MCF2L2: variants seen among roughly 807,000 people sequenced by gnomAD.
The protein encoded by MCF2L2 is MCF.2 cell line derived transforming sequence-like 2, also known as probable guanine nucleotide exchange factor MCF2L2.
In MCF2L2, 102 loss-of-function variants were observed where a neutral mutation model predicts 150.2. The observed-to-expected ratio is 0.68, with a 90% CI of 0.58 to 0.80. The LOEUF is 0.80. Among genes scored for constraint, MCF2L2 ranks in the 30% least tolerant of loss-of-function variants. The probability of loss-of-function intolerance (pLI) is 0.00; values close to 1 mark genes in which losing one functional copy is unlikely to be tolerated. For missense variants in MCF2L2, 1,256 were observed against 1,372.8 expected, an observed-to-expected ratio of 0.91 and a Z score of 1.34; for synonymous variants, 465 against 491.3, an observed-to-expected ratio of 0.95 and a Z score of 0.71.
At chr3:183,357,606 A>G (rs759582578) in intron 3 of MCF2L2, among the ~76,000 whole-genome samples, 2 of 152,112 alleles carry the variant, frequency 1.3e-5, no homozygotes, top group Non-Finnish European at 2.9e-5. Context: ...CATTTATTCC[A>G]TGTCCTCAAG....
rs1213315817 is a variant in MCF2L2 at position 183,235,160 on chromosome 3, G to A, written c.1863-4143C>T. ...GTGAATAGTGCCACAATAAACATACGTGTGCATGTGTCTTTATAGCAGCAT... is the reference window on the plus strand; with the variant it reads ...GTGAATAGTGCCACAATAAACATACATGTGCATGTGTCTTTATAGCAGCAT... On this transcript the variant is annotated intron_variant, in intron 15 of 29. Coordinates refer to ENST00000328913, the MANE Select transcript of MCF2L2 (RefSeq NM_015078.4). Among the ~76,000 whole-genome samples, 169 of 83,962 alleles carry A rather than the reference G, an allele frequency of 2.0e-3. 8 individuals are homozygous for A. The highest frequency in any genetic ancestry group is 1.1e-3 in the Non-Finnish European group (46 of 43,550). The allele number at this position is 83,962 out of a possible 152,430, so 55.1% of individuals were successfully genotyped here.
intron 1 of MCF2L2, among the ~76,000 whole-genome samples, chr3:183,393,421 G>A (rs1445047861): frequency 2.0e-5 from 3 of 152,010 alleles, no homozygotes; most frequent in African/African-American, 7.3e-5. Context: ...TCCAACTTCC[G>A]ACCTCAGGTG....
intron 1 of MCF2L2, among the ~76,000 whole-genome samples, chr3:183,396,489 C>T (rs886308916): frequency 6.6e-6 from 1 of 152,142 alleles, no homozygotes; most frequent in Non-Finnish European, 1.5e-5. Context: ...AAAGTTTGAA[C>T]TTGTTAAACA....
chr3:183,289,268 CT>C, intron 13 of MCF2L2, 48 bp from the exon 14 acceptor site: 1 of 1,269,210 alleles, frequency 7.9e-7, no homozygotes, highest in East Asian at 2.3e-5. Flanking sequence ...TAAACTATAA[CT>C]CAGTGCACTT....
intron 3 of MCF2L2, among the ~76,000 whole-genome samples, chr3:183,363,612 T>C (rs1329377224): frequency 6.6e-6 from 1 of 152,158 alleles, no homozygotes; most frequent in East Asian, 1.9e-4. Flanking sequence ...TAATGGTGCA[T>C]GTCTGTAGAC....
At chr3:183,304,185 T>C (rs1218929838) in intron 10 of MCF2L2, among the ~76,000 whole-genome samples, 1 of 152,252 alleles carries the variant, frequency 6.6e-6, no homozygotes, top group African/African-American at 2.4e-5. Context: ...TTGTGACCAC[T>C]TATCTGCTGC....
At chr3:183,252,864 C>T (rs902698428) in intron 15 of MCF2L2, among the ~76,000 whole-genome samples, 4 of 152,190 alleles carry the variant, frequency 2.6e-5, no homozygotes, top group Admixed American at 2.0e-4. Context: ...GGTCTAACAA[C>T]ATGCGGGAAA....
intron 21 of MCF2L2, among the ~76,000 whole-genome samples, chr3:183,219,475 G>C (rs968242901): frequency 2.6e-5 from 4 of 152,106 alleles, no homozygotes; most frequent in Non-Finnish European, 5.9e-5. Flanking sequence ...GCTGTGCATG[G>C]TGGCGGGCAC....
At chr3:183,314,437 T>C (rs189956524) in intron 7 of MCF2L2, among the ~76,000 whole-genome samples, 250 of 152,304 alleles carry the variant, frequency 1.6e-3, no homozygotes, top group African/African-American at 5.6e-3. Flanking sequence ...AAGATTATTT[T>C]GAACAAAATA....
At chr3:183,412,705 A>AT (rs937825482) in intron 1 of MCF2L2, among the ~76,000 whole-genome samples, 3 of 151,724 alleles carry the variant, frequency 2.0e-5, no homozygotes, top group Non-Finnish European at 2.9e-5. Flanking sequence ...GATGCCTTTT[A>AT]TTTTTTTTAT....
At chr3:183,371,813 G>A (rs1712901889) in intron 3 of MCF2L2, among the ~76,000 whole-genome samples, 3 of 151,888 alleles carry the variant, frequency 2.0e-5, no homozygotes, top group Admixed American at 6.6e-5. Context: ...CAATTTACAT[G>A]TGAGAAGAGG....
intron 15 of MCF2L2, among the ~76,000 whole-genome samples, chr3:183,268,617 G>A (rs1452688636): frequency 6.6e-6 from 1 of 152,182 alleles, no homozygotes; most frequent in Non-Finnish European, 1.5e-5. Flanking sequence ...CAGAATGGGT[G>A]AGAAATGACA....
At chr3:183,385,179 T>G (rs1038918666) in intron 2 of MCF2L2, among the ~76,000 whole-genome samples, 3 of 152,236 alleles carry the variant, frequency 2.0e-5, no homozygotes, top group Non-Finnish European at 2.9e-5. Context: ...TTAAAATATA[T>G]AATTAAAATT....
chr3:183,264,843 T>G (rs563778353), intron 15 of MCF2L2, among the ~76,000 whole-genome samples: 1 of 152,228 alleles, frequency 6.6e-6, no homozygotes, highest in Non-Finnish European at 1.5e-5. Flanking sequence ...AATATTCTTA[T>G]GAGTAACTGA....
At position 183,224,124 on chromosome 3, in the gene MCF2L2, C is replaced by T. The variant is rs545502341; in HGVS notation, c.2182G>A (p.Glu728Lys). 1 of 1,614,034 alleles carries T rather than the reference C, an allele frequency of 6.2e-7. No individual in the cohort carries two copies. The highest frequency in any genetic ancestry group is 1.1e-5 in the South Asian group (1 of 91,082). The change falls in exon 19 of 30, where the codon GAG becomes AAG. Residue 728 changes from glutamate to lysine, a missense_variant. Glu to Lys is a moderately conservative substitution (Grantham distance 56). Coordinates refer to ENST00000328913, the MANE Select transcript of MCF2L2 (RefSeq NM_015078.4). Reference sequence around the variant, plus strand: ...CCAAAGTAGGCGCAGTCTTGACACTCTTGCCAGATTGCCCTAGCTCGGGGC... The same window carrying T: ...CCAAAGTAGGCGCAGTCTTGACACTTTTGCCAGATTGCCCTAGCTCGGGGC... ...NLPRARAIWQ[E>K]CQDCAYFGVC...
In MCF2L2 at chr3:183,348,236, G is replaced by C. The variant is rs191803753; in HGVS notation, c.276-6606C>G. Among the ~76,000 whole-genome samples, 355 of 152,196 alleles carry C rather than the reference G, an allele frequency of 2.3e-3. 3 individuals are homozygous for C. Among genetic ancestry groups the C allele is most frequent in the African/African-American group, 7.7e-3 (318 of 41,532 alleles). On this transcript the variant is annotated intron_variant, in intron 3 of 29. Coordinates refer to ENST00000328913, the MANE Select transcript of MCF2L2 (RefSeq NM_015078.4). The stretch of plus-strand genomic sequence containing the variant: ...CTATGCAGCCATAAAAAAAGAACGA[G>C]TTCATGTTCTTTGCAGGGACATGGA...
At chr3:183,286,308 C>T (rs926093501) in intron 14 of MCF2L2, among the ~76,000 whole-genome samples, 9 of 152,088 alleles carry the variant, frequency 5.9e-5, no homozygotes, top group African/African-American at 2.2e-4. Context: ...TATCACAATG[C>T]TATGATTCAC....
chr3:183,345,684 AAGAAGAAAAGAG>A (rs1730870518), intron 3 of MCF2L2, among the ~76,000 whole-genome samples: 1 of 152,212 alleles, frequency 6.6e-6, no homozygotes, highest in African/African-American at 2.4e-5. Context: ...CAGACTAATG[AAGAAGAAAAGAG>A]AGAAGAAACA....
chr3:183,292,546 AGGGG>A (rs1277723738), intron 13 of MCF2L2, among the ~76,000 whole-genome samples: 1 of 147,564 alleles, frequency 6.8e-6, no homozygotes, highest in Non-Finnish European at 1.5e-5. Flanking sequence ...ATGGTGAATA[AGGGG>A]GTATGTACAC....
Sources: gnomAD v4.1 joint callset for allele counts (sites outside exome capture counted in the v4.1 genomes callset) on GRCh38, gnomAD v4.1.1 for gene constraint, MANE v1.5 for transcripts, NCBI Gene and HGNC (gene_info 2026-07-23, HGNC 2026-07-21) for gene names.